SCEL: variants seen among roughly 807,000 people sequenced by gnomAD.
SCEL encodes the protein sciellin.
Under a neutral mutation model 117.6 loss-of-function variants are expected in SCEL, and 113 were observed. That is an observed-to-expected ratio of 0.96 (90% CI 0.83 to 1.12). SCEL has a LOEUF of 1.12. Ranked by LOEUF, SCEL falls within the 50% of genes most tolerant of loss-of-function variation. The pLI, the probability that SCEL is intolerant of heterozygous loss-of-function variation, is 0.00. For missense variants in SCEL, 785 were observed against 810.8 expected, an observed-to-expected ratio of 0.97 and a Z score of 0.39; for synonymous variants, 270 against 256.2, an observed-to-expected ratio of 1.05 and a Z score of -0.51.
At chr13:77,571,329 C>G (rs1160416144) in intron 8 of SCEL, among the ~76,000 whole-genome samples, 1 of 147,512 alleles carries the variant, frequency 6.8e-6, no homozygotes, top group African/African-American at 2.5e-5. Flanking sequence ...TGCAGTGAGC[C>G]GAGATCGCGC....
At chr13:77,579,859 G>A (rs1432787965) in intron 9 of SCEL, among the ~76,000 whole-genome samples, 1 of 152,172 alleles carries the variant, frequency 6.6e-6, no homozygotes, top group African/African-American at 2.4e-5. Flanking sequence ...AGGAGAGGAG[G>A]AGCAAAGTTC....
chr13:77,591,514 T>G (rs993385551), intron 11 of SCEL, 54 bp downstream of exon 11: 1 of 1,008,334 alleles, frequency 9.9e-7, no homozygotes, highest in Non-Finnish European at 1.5e-6. Context: ...AAAGTATGCT[T>G]TCTCAGCACA....
chr13:77,613,085 A>G (rs1594122037), intron 23 of SCEL, 144 bp downstream of exon 23: 1 of 558,896 alleles, frequency 1.8e-6, no homozygotes, highest in East Asian at 3.4e-5. Flanking sequence ...TGCTGGATAG[A>G]TTTTTCTGTC....
chr13:77,639,229 G>A (rs904169119), intron 30 of SCEL, among the ~76,000 whole-genome samples: 25 of 152,228 alleles, frequency 1.6e-4, no homozygotes, highest in African/African-American at 5.8e-4. Context: ...AGTCTTAAAT[G>A]GGAAATTTAA....
chr13:77,643,049 T>C (rs1413794087), intron 32 of SCEL, among the ~76,000 whole-genome samples: 1 of 152,150 alleles, frequency 6.6e-6, no homozygotes, highest in Non-Finnish European at 1.5e-5. Flanking sequence ...GGTCATTTAT[T>C]TTAGAAAATT....
At chr13:77,597,073 T>G (rs575798625) in intron 12 of SCEL, 1 of 153,828 alleles carries the variant, frequency 6.5e-6, no homozygotes, top group African/African-American at 2.4e-5. Context: ...CATTGCACAA[T>G]GCTGTAATTA....
chr13:77,566,903 G>A (rs1410921840), intron 5 of SCEL, among the ~76,000 whole-genome samples: 1 of 152,096 alleles, frequency 6.6e-6, no homozygotes, highest in Non-Finnish European at 1.5e-5. Context: ...TCAATCACAT[G>A]GCCCCAACTT....
chr13:77,568,646 C>T (rs1317200405), intron 7 of SCEL, among the ~76,000 whole-genome samples: 2 of 152,110 alleles, frequency 1.3e-5, no homozygotes, highest in Middle Eastern at 3.2e-3. Flanking sequence ...CCTCTACTCT[C>T]ACAATAATTA....
intron 1 of SCEL, among the ~76,000 whole-genome samples, chr13:77,547,903 G>A (rs2084084367): frequency 6.6e-6 from 1 of 152,166 alleles, no homozygotes; most frequent in South Asian, 2.1e-4. Context: ...CCTCTGGGAT[G>A]CTCCCTAGGA....
intron 29 of SCEL, among the ~76,000 whole-genome samples, chr13:77,635,895 C>T (rs1474641927): frequency 1.3e-5 from 2 of 152,166 alleles, no homozygotes; most frequent in Non-Finnish European, 2.9e-5. Context: ...CTCCTGCCTG[C>T]TAGATCAGAA....
chr13:77,599,823 T>G (rs1409562787), intron 15 of SCEL, 75 bp downstream of exon 15: 1 of 1,033,760 alleles, frequency 9.7e-7, no homozygotes, highest in African/African-American at 1.6e-5. Flanking sequence ...GACCTCCTGC[T>G]TAGTACAAGG....
In SCEL at chr13:77,608,070, A is replaced by G. The variant is rs772044918; in HGVS notation, c.1172A>G (p.Asp391Gly). The change falls in exon 20 of 33, where the codon GAT (aspartate) becomes GGT (glycine). Residue 391 changes from aspartate (D) to glycine (G), a missense_variant. Transcript: ENST00000349847. ...ATGTTTTAAAGGGGCCAGAGCCTTG[A>G]TAATCTCATCAAAGTGACCCCTGAA... ...NKNITRGQSL[D>G]NLIKVTPEVK... is the part of the protein sequence containing the mutation. The G allele has an allele frequency of 9.9e-6, 16 of 1,613,312 alleles. No individual in the cohort carries two copies. In the Middle Eastern group the frequency reaches 9.9e-4, roughly 99 times the overall value.
intron 28 of SCEL, among the ~76,000 whole-genome samples, chr13:77,634,100 T>C (rs1012709009): frequency 1.1e-4 from 16 of 152,238 alleles, no homozygotes; most frequent in African/African-American, 3.9e-4. Flanking sequence ...ATACAAATAT[T>C]CAAAAATAAT....
chr13:77,614,314 T>TA (rs1304118889), intron 24 of SCEL, among the ~76,000 whole-genome samples: 3 of 152,076 alleles, frequency 2.0e-5, no homozygotes, highest in Non-Finnish European at 2.9e-5. Flanking sequence ...AGTTAATTTT[T>TA]AAAAAAAGAC....
At position 77,633,442 on chromosome 13, in the gene SCEL, C is replaced by CAAAAAAAAAAAAA. The variant is rs59939208; in HGVS notation, c.1692-925_1692-913dup. Among the ~76,000 whole-genome samples the CAAAAAAAAAAAAA allele has an allele frequency of 9.2e-3, 277 of 29,972 alleles. 14 individuals are homozygous for CAAAAAAAAAAAAA. Among genetic ancestry groups the CAAAAAAAAAAAAA allele is most frequent in the East Asian group, 0.024 (10 of 424 alleles). The allele number at this position is 29,972 out of a possible 152,430, so 19.7% of individuals were successfully genotyped here. On this transcript the variant is annotated intron_variant, in intron 28 of 32. Coordinates refer to ENST00000349847, the MANE Select transcript of SCEL (RefSeq NM_144777.3). ...TGGGCGACAGAGCGAGACTCCGCCT[C>CAAAAAAAAAAAAA]AAAAAAAAAAAAAAAAAAAAAAAAG...
chr13:77,588,404 T>C (rs1197828748), intron 9 of SCEL, among the ~76,000 whole-genome samples: 1 of 152,188 alleles, frequency 6.6e-6, no homozygotes, highest in Admixed American at 6.6e-5. Context: ...AGGGTTCTTT[T>C]ACCAGGTACA....
intron 9 of SCEL, among the ~76,000 whole-genome samples, chr13:77,587,661 G>A (rs932328556): frequency 2.0e-5 from 3 of 152,080 alleles, no homozygotes; most frequent in African/African-American, 7.2e-5. Context: ...CATCTGAAAT[G>A]GCCAAGTACT....
chr13:77,634,417 C>T lies in SCEL; in HGVS notation c.1730C>T (p.Thr577Ile). The T allele has an allele frequency of 6.2e-7, 1 of 1,613,250 alleles. No homozygotes were observed. Among genetic ancestry groups the T allele is most frequent in the Non-Finnish European group, 8.5e-7 (1 of 1,179,438 alleles). ...GCCAAGCAGGCAGGACCACAGGATA[C>T]TGTTGTGTACACAAGGACATATGTG... ...TGAKQAGPQDTVVYTRTYVEN... is the reference protein window; with the variant it reads ...TGAKQAGPQDIVVYTRTYVEN... The change falls in exon 29 of 33, where the codon ACT (threonine) becomes ATT (isoleucine). Residue 577 changes from threonine (T) to isoleucine (I), a missense_variant. Coordinates refer to ENST00000349847, the MANE Select transcript of SCEL (RefSeq NM_144777.3).
chr13:77,643,738 C>T (rs945067120), intron 32 of SCEL, among the ~76,000 whole-genome samples: 1 of 152,072 alleles, frequency 6.6e-6, no homozygotes, highest in Non-Finnish European at 1.5e-5. Flanking sequence ...ACCCACGTTC[C>T]ATCAGGCTGC....
Sources: allele counts gnomAD v4.1 joint callset (sites outside exome capture counted in the v4.1 genomes callset), GRCh38; gene constraint gnomAD v4.1.1; transcripts MANE v1.5; gene names NCBI Gene and HGNC (gene_info 2026-07-23, HGNC 2026-07-21).